VPS54: variants seen among roughly 807,000 people sequenced by gnomAD.
VPS54 encodes the protein vacuolar protein sorting-associated protein 54.
A neutral mutation model predicts 121.5 loss-of-function variants in VPS54; 45 were observed. That is an observed-to-expected ratio of 0.37 (90% CI 0.29 to 0.47). The LOEUF is 0.47. Among genes scored for constraint, VPS54 ranks in the 20% least tolerant of loss-of-function variants. The pLI, the probability that VPS54 is intolerant of heterozygous loss-of-function variation, is 0.99. For synonymous variants in VPS54, 371 were observed against 385.8 expected (o/e 0.96, Z 0.45); for missense variants, 1,090 against 1,131.4 (o/e 0.96, Z 0.52).
At chr2:63,999,170 C>G (rs1411642165) in intron 1 of VPS54, among the ~76,000 whole-genome samples, 1 of 152,064 alleles carries the variant, frequency 6.6e-6, no homozygotes. Flanking sequence ...GGCTAGTCTT[C>G]AACTCCTGAC....
intron 20 of VPS54, among the ~76,000 whole-genome samples, chr2:63,906,807 T>C (rs1317712528): frequency 6.6e-6 from 1 of 152,204 alleles, no homozygotes; most frequent in Non-Finnish European, 1.5e-5. Flanking sequence ...CAACGCAATT[T>C]CAATCAAAAT....
intron 3 of VPS54, among the ~76,000 whole-genome samples, chr2:63,977,681 C>T (rs1159973287): frequency 1.3e-5 from 2 of 152,208 alleles, no homozygotes; most frequent in African/African-American, 4.8e-5. Flanking sequence ...ATCATTCCAA[C>T]ATCACAACCG....
chr2:63,917,086 T>C (rs996755485), intron 15 of VPS54, 123 bp from the exon 16 acceptor site: 4 of 926,314 alleles, frequency 4.3e-6, no homozygotes, highest in East Asian at 2.6e-5. Flanking sequence ...AAACATCTAC[T>C]TCCTGGGAAA....
rs374121391 is a variant in VPS54, at chr2:63,962,039, G to T, written c.1010+19C>A. 1.4e-5 allele frequency: 21 copies of T among 1,500,108 alleles called. No individual in the cohort carries two copies. The highest frequency in any genetic ancestry group is 4.2e-5 in the African/African-American group (3 of 71,458). The allele number at this position is 1,500,108 out of a possible 1,614,324, so 92.9% of individuals were successfully genotyped here. A position where few individuals can be genotyped will look rare whatever the true frequency, so the allele number is the denominator to read the frequency against. Reference sequence around the variant, plus strand: ...AAAATTTCTAACATTATTTCTAGTGGCTTACTTAATGAACATACCGGAAAC... The same window carrying T: ...AAAATTTCTAACATTATTTCTAGTGTCTTACTTAATGAACATACCGGAAAC... On this transcript the variant is annotated intron_variant, in intron 7 of 22. Coordinates refer to ENST00000272322, the MANE Select transcript of VPS54 (RefSeq NM_016516.3).
intron 20 of VPS54, among the ~76,000 whole-genome samples, chr2:63,907,394 C>T (rs1400439515): frequency 2.6e-5 from 4 of 151,434 alleles, no homozygotes; most frequent in Admixed American, 6.6e-5. Context: ...GGTGCATGCC[C>T]GTAATCCCAG....
At chr2:63,951,176 G>C (rs1318930212) in intron 7 of VPS54, among the ~76,000 whole-genome samples, 2 of 147,816 alleles carry the variant, frequency 1.4e-5, no homozygotes, top group Non-Finnish European at 3.0e-5. Flanking sequence ...AAATGCTGTT[G>C]TAGCTGGAGT....
In VPS54 at chr2:63,962,456, G is replaced by A. The variant is rs183238573; in HGVS notation, c.625-13C>T. ...GATAATGGCTCAGCTTAAAAGAGAAGGAAAAAAAATATGAAGTACTATGAG... is the reference window on the plus strand; with the variant it reads ...GATAATGGCTCAGCTTAAAAGAGAAAGAAAAAAAATATGAAGTACTATGAG... On this transcript the variant is annotated splice_polypyrimidine_tract_variant and intron_variant, in intron 6 of 22. Transcript: ENST00000272322. 471 of 1,574,728 alleles carry A rather than the reference G, an allele frequency of 3.0e-4. 1 individual carries two copies. In the East Asian group the frequency reaches 3.2e-3, roughly 11 times the overall value.
At chr2:63,976,176 T>C (rs1217047163) in intron 3 of VPS54, among the ~76,000 whole-genome samples, 3 of 151,964 alleles carry the variant, frequency 2.0e-5, no homozygotes, top group Non-Finnish European at 2.9e-5. Context: ...ACCCCGTCAC[T>C]ACAAAATATG....
chr2:63,915,558 TG>T (rs1332757024), intron 16 of VPS54, among the ~76,000 whole-genome samples: 2 of 152,192 alleles, frequency 1.3e-5, no homozygotes, highest in Non-Finnish European at 2.9e-5. Flanking sequence ...TTTAGTTTTT[TG>T]GCAACAGACT....
chr2:63,938,115 G>A lies in VPS54; in HGVS notation c.1399-4102C>T, dbSNP rs373542294. On this transcript the variant is annotated intron_variant, in intron 11 of 22. Coordinates refer to ENST00000272322, the MANE Select transcript of VPS54 (RefSeq NM_016516.3). ...ACAGGATCTTGCTAGGTTTGCCCAG[G>A]ACTTGTGTGCATGTGTGCGTGGCTG... Among the ~76,000 whole-genome samples the A allele has an allele frequency of 9.6e-5, 14 of 146,252 alleles. No homozygotes were observed. The East Asian group carries it at 2.2e-3, about 22-fold the overall frequency.
rs1168198102 is a variant in VPS54, at chr2:63,933,760, G to T, written c.1652C>A (p.Ser551Tyr). 3 of 1,613,888 alleles carry T rather than the reference G, an allele frequency of 1.9e-6. No individual in the cohort carries two copies. Among genetic ancestry groups the T allele is most frequent in the South Asian group, 2.2e-5 (2 of 91,072 alleles). The change falls in exon 12 of 23, where the codon TCT becomes TAT. Residue 551 changes from serine (S) to tyrosine (Y), a missense_variant. Physicochemically the swap from Ser to Tyr is moderately radical, Grantham distance 144. This residue lies in a region of VPS54 where 801 missense variants were observed against 757.0 expected (regional missense o/e 1.06). Transcript: ENST00000272322. ...AGTAGTACATTCTGGCTCGGATACA[G>T]AATCACTGCTGCAGGGCTCACTATT... ...SPNSEPCSSD[S>Y]VSEPECTTDS... is the part of the protein sequence containing the mutation.
At chr2:63,893,951 C>T (rs180779184) in intron 22 of VPS54, among the ~76,000 whole-genome samples, 26 of 152,172 alleles carry the variant, frequency 1.7e-4, no homozygotes, top group Admixed American at 8.5e-4. Flanking sequence ...TCATCTAAGG[C>T]GTTAAATACA....
At chr2:63,951,894 T>G (rs1488471175) in intron 7 of VPS54, among the ~76,000 whole-genome samples, 1 of 152,176 alleles carries the variant, frequency 6.6e-6, no homozygotes, top group Non-Finnish European at 1.5e-5. Context: ...ATAAATGTGT[T>G]CTAGAAAACC....
chr2:64,007,730 A>G (rs1003457968), intron 1 of VPS54, among the ~76,000 whole-genome samples: 5 of 152,220 alleles, frequency 3.3e-5, no homozygotes, highest in Non-Finnish European at 5.9e-5. Context: ...AGAGCTAATG[A>G]AAGCTCTGAA....
chr2:63,916,502 C>T (rs1480031378), intron 16 of VPS54, among the ~76,000 whole-genome samples: 1 of 152,032 alleles, frequency 6.6e-6, no homozygotes, highest in East Asian at 1.9e-4. Context: ...GTACTATTTT[C>T]CACATTGTGT....
chr2:63,987,036 T>A (rs181532462), intron 1 of VPS54, among the ~76,000 whole-genome samples: 1 of 152,336 alleles, frequency 6.6e-6, no homozygotes, highest in Admixed American at 6.5e-5. Flanking sequence ...CCTCACTTTG[T>A]TGTTTCCTTT....
At chr2:64,000,785 G>C (rs1001957546) in intron 1 of VPS54, among the ~76,000 whole-genome samples, 4 of 152,186 alleles carry the variant, frequency 2.6e-5, no homozygotes, top group Admixed American at 2.6e-4. Flanking sequence ...GGCAACACAA[G>C]CACCCTGTGG....
At chr2:63,906,800 C>T (rs553396057) in intron 20 of VPS54, among the ~76,000 whole-genome samples, 22 of 152,280 alleles carry the variant, frequency 1.4e-4, no homozygotes, top group Admixed American at 4.6e-4. Flanking sequence ...ATACATTCAA[C>T]GCAATTTCAA....
chr2:64,004,424 A>G (rs1374095659), intron 1 of VPS54, among the ~76,000 whole-genome samples: 1 of 152,242 alleles, frequency 6.6e-6, no homozygotes, highest in Non-Finnish European at 1.5e-5. Context: ...CACAAAGGGG[A>G]AAATGTATCT....
Sources: gnomAD v4.1 joint callset for allele counts (sites outside exome capture counted in the v4.1 genomes callset) on GRCh38, gnomAD v4.1.1 for gene constraint, gnomAD v4.1.1 regional missense constraint, MANE v1.5 for transcripts, NCBI Gene and HGNC (gene_info 2026-07-23, HGNC 2026-07-21) for gene names.